The following ZBBX variants were observed in gnomAD, a reference collection of about 807,000 sequenced individuals.
ZBBX encodes the protein zinc finger B-box domain-containing protein 1.
Under a neutral mutation model 108.5 loss-of-function variants are expected in ZBBX, and 101 were observed. The observed-to-expected ratio is 0.93, with a 90% CI of 0.79 to 1.10. ZBBX has a LOEUF of 1.10. Among genes scored for constraint, ZBBX ranks in the 50% least tolerant of loss-of-function variants. ZBBX has a pLI of 0.00. For synonymous variants in ZBBX, 356 were observed against 323.4 expected, an observed-to-expected ratio of 1.10 and a Z score of -1.08; for missense variants, 1,009 against 941.4, an observed-to-expected ratio of 1.07 and a Z score of -0.94.
intron 1 of ZBBX, among the ~76,000 whole-genome samples, chr3:167,390,548 G>A (rs1748056011): frequency 6.6e-6 from 1 of 151,358 alleles, no homozygotes; most frequent in African/African-American, 2.4e-5. Context: ...GTAGCTTGAT[G>A]GGAATAACAT....
chr3:167,215,261 A>G, the ZBBX span, among the ~76,000 whole-genome samples: 1 of 152,150 alleles, frequency 6.6e-6, no homozygotes, highest in African/African-American at 2.4e-5. Context: ...AAGAGAGAAG[A>G]TCCAAATAAA....
the ZBBX span, among the ~76,000 whole-genome samples, chr3:167,206,923 G>A: frequency 3.3e-5 from 5 of 152,156 alleles, no homozygotes; most frequent in Admixed American, 3.3e-4. Flanking sequence ...TGAGAAAACC[G>A]GATATCCACA....
At chr3:167,301,132 T>C (rs188965785) in intron 17 of ZBBX, among the ~76,000 whole-genome samples, 342 of 152,286 alleles carry the variant, frequency 2.2e-3, no homozygotes, top group Non-Finnish European at 4.0e-3. Context: ...TATGTTCATG[T>C]CACACACCTT....
intron 9 of ZBBX, among the ~76,000 whole-genome samples, chr3:167,344,673 G>A (rs919725894): frequency 6.6e-6 from 1 of 151,596 alleles, no homozygotes; most frequent in East Asian, 2.0e-4. Context: ...CAGAAGTACA[G>A]TTCAGGTAGA....
chr3:167,182,904 G>A, the ZBBX span, among the ~76,000 whole-genome samples: 2 of 152,178 alleles, frequency 1.3e-5, no homozygotes, highest in Admixed American at 1.3e-4. Context: ...GATCTGGGGG[G>A]TGTATCCTAA....
intron 4 of ZBBX, among the ~76,000 whole-genome samples, chr3:167,370,301 A>G (rs142769627): frequency 6.6e-6 from 1 of 152,158 alleles, no homozygotes; most frequent in Non-Finnish European, 1.5e-5. Context: ...GAAGTAGGTG[A>G]CTGATTAGAG....
intron 1 of ZBBX, among the ~76,000 whole-genome samples, chr3:167,390,499 G>C (rs1388383968): frequency 6.6e-6 from 1 of 151,288 alleles, no homozygotes. Flanking sequence ...ATTTAAAGTA[G>C]TTGTTTTTTT....
intron 14 of ZBBX, among the ~76,000 whole-genome samples, 185 bp downstream of exon 14, chr3:167,316,820 G>C (rs1028893827): frequency 6.6e-6 from 1 of 151,866 alleles, no homozygotes; most frequent in Non-Finnish European, 1.5e-5. Flanking sequence ...CAAATTTACT[G>C]TTTACATTCA....
chr3:167,327,839 G>A (rs371975467), intron 11 of ZBBX, 103 bp downstream of exon 11: 21 of 1,136,286 alleles, frequency 1.8e-5, no homozygotes, highest in Admixed American at 1.7e-4. Context: ...ACTTGAACCC[G>A]GAAGGTGGAG....
At chr3:167,358,740 T>C (rs1744013072) in intron 8 of ZBBX, among the ~76,000 whole-genome samples, 1 of 151,482 alleles carries the variant, frequency 6.6e-6, no homozygotes, top group Admixed American at 6.6e-5. Context: ...ATCGAGACCA[T>C]CCTGGCTAAC....
intron 20 of ZBBX, chr3:167,248,622 A>C (rs2108345288): frequency 2.2e-6 from 1 of 456,570 alleles, no homozygotes; most frequent in East Asian, 7.0e-5. Flanking sequence ...TCAGTCCCAA[A>C]CTGGACTCCA....
intron 20 of ZBBX, among the ~76,000 whole-genome samples, chr3:167,264,717 C>T (rs1725175181): frequency 6.6e-6 from 1 of 152,210 alleles, no homozygotes; most frequent in Non-Finnish European, 1.5e-5. Context: ...GAGCTTTATA[C>T]TTTCACAGTC....
At chr3:167,347,508 C>T (rs2108477056) in intron 9 of ZBBX, among the ~76,000 whole-genome samples, 1 of 152,076 alleles carries the variant, frequency 6.6e-6, no homozygotes, top group African/African-American at 2.4e-5. Context: ...CATGAAACCA[C>T]ATACATGCAG....
intron 20 of ZBBX, among the ~76,000 whole-genome samples, chr3:167,258,263 AC>A (rs1375007202): frequency 6.6e-6 from 1 of 152,138 alleles, no homozygotes; most frequent in African/African-American, 2.4e-5. Context: ...CAAAAGTAGA[AC>A]TACCATTTGA....
chr3:167,261,466 C>T (rs1186176482), intron 20 of ZBBX, among the ~76,000 whole-genome samples: 1 of 151,840 alleles, frequency 6.6e-6, no homozygotes, highest in African/African-American at 2.4e-5. Flanking sequence ...TGGGGCTAGG[C>T]GTGTCTGAGC....
chr3:167,280,193 GACTTCATGTCTAAAAC>G (rs1728520151), intron 20 of ZBBX, among the ~76,000 whole-genome samples: 2 of 151,846 alleles, frequency 1.3e-5, no homozygotes, highest in South Asian at 4.2e-4. Flanking sequence ...CATGGGCAAG[GACTTCATGTCTAAAAC>G]ACCAAAAGCA....
chr3:167,403,222 G>C (rs879310492), intron 1 of ZBBX, among the ~76,000 whole-genome samples: 2 of 152,088 alleles, frequency 1.3e-5, no homozygotes, highest in Non-Finnish European at 2.9e-5. Flanking sequence ...ATGTAAGAGG[G>C]AGTAACAATC....
chr3:167,341,866 A>C (rs533706769), intron 9 of ZBBX, among the ~76,000 whole-genome samples: 1 of 152,094 alleles, frequency 6.6e-6, no homozygotes, highest in African/African-American at 2.4e-5. Flanking sequence ...ATAGCAACAA[A>C]ATTTGTCATA....
the ZBBX span, among the ~76,000 whole-genome samples, chr3:167,213,011 C>T: frequency 2.6e-5 from 4 of 152,032 alleles, no homozygotes; most frequent in South Asian, 4.1e-4. Flanking sequence ...CTCAGCCAGG[C>T]GAAAACATCA....
Sources: allele counts gnomAD v4.1 joint callset (sites outside exome capture counted in the v4.1 genomes callset), GRCh38; gene constraint gnomAD v4.1.1; transcripts MANE v1.5; gene names NCBI Gene and HGNC (gene_info 2026-07-23, HGNC 2026-07-21).